Variants in LMO3 observed in about 807,000 individuals in gnomAD.
LMO3 encodes the protein LIM domain only 3.
A neutral mutation model predicts 15.8 loss-of-function variants in LMO3; 2 were observed. The observed-to-expected ratio is 0.13, with a 90% CI of 0.05 to 0.40. The LOEUF is 0.40. Among genes scored for constraint, LMO3 ranks in the 10% least tolerant of loss-of-function variants. The pLI is 0.99. For missense variants in LMO3, 86 were observed against 182.2 expected, an observed-to-expected ratio of 0.47 and a Z score of 3.04; for synonymous variants, 62 against 63.8, an observed-to-expected ratio of 0.97 and a Z score of 0.13.
chr12:16,607,753 T>C (rs1486311941), upstream of LMO3: 1 of 146,412 alleles, frequency 6.8e-6, no homozygotes, highest in Admixed American at 7.2e-5. Context: ...AGCTCTAGTT[T>C]TAAAAAAAAA....
rs1392149572 is a variant in LMO3, at chr12:16,597,232, A to AT, written c.206+3422dup. Among the ~76,000 whole-genome samples the AT allele has an allele frequency of 6.6e-6, 1 of 151,722 alleles. No homozygotes were observed. The highest frequency in any genetic ancestry group is 1.5e-5 in the Non-Finnish European group (1 of 67,720). On this transcript the variant is annotated intron_variant, in intron 2 of 3. Coordinates refer to ENST00000537304, the MANE Select transcript of LMO3 (RefSeq NM_018640.5). This position sits in a 1 kb window ranked among gnomAD's most constrained non-coding sequence, Gnocchi z 5.0. ...ATACTTAGTGTACAAACTATGGAAG[A>AT]TTTTTCTTTCTTTTTCTCTTAAATA...
intron 2 of LMO3, among the ~76,000 whole-genome samples, chr12:16,581,290 T>G (rs1943150187): frequency 6.6e-6 from 1 of 152,136 alleles, no homozygotes; most frequent in African/African-American, 2.4e-5. Context: ...GAATCCTAGC[T>G]CCATCACTTG....
intron 2 of LMO3, among the ~76,000 whole-genome samples, chr12:16,569,900 A>G (rs892143574): frequency 6.6e-6 from 1 of 152,186 alleles, no homozygotes; most frequent in Non-Finnish European, 1.5e-5. Flanking sequence ...ATAGAAACAA[A>G]TATTTTATCT....
rs1169158461 is a variant in LMO3 at position 16,597,630 on chromosome 12, C to A, written c.206+3025G>T. On this transcript the variant is annotated intron_variant, in intron 2 of 3. Transcript: ENST00000537304. The surrounding 1 kb of genome is among the most constrained non-coding windows in gnomAD (Gnocchi z 5.0). ...GTAACCAACAATATATGTGGACAGG[C>A]AAATTACTATTTTATTACTTTCCTT... 1 of 151,810 alleles carries A rather than the reference C, an allele frequency of 6.6e-6. No individual in the cohort carries two copies. Among genetic ancestry groups the A allele is most frequent in the Non-Finnish European group, 1.5e-5 (1 of 67,822 alleles). The allele number at this position is 151,810 out of a possible 1,614,324, so 9.4% of individuals were successfully genotyped here.
intron 2 of LMO3, among the ~76,000 whole-genome samples, chr12:16,595,503 C>CA (rs1165613573): frequency 6.6e-6 from 1 of 150,878 alleles, no homozygotes; most frequent in East Asian, 1.9e-4. Flanking sequence ...AAGAATTATC[C>CA]AAAAAAATTA....
chr12:16,608,733 GAGAGAGAGAGAC>G (rs1944075903), upstream of LMO3: 1 of 151,858 alleles, frequency 6.6e-6, no homozygotes. The surrounding 1 kb of genome is among the most constrained non-coding windows in gnomAD (Gnocchi z 4.1). Context: ...AGAGACAGAG[GAGAGAGAGAGAC>G]AGAGAGAGAG....
chr12:16,566,243 A>C (rs1348730146), intron 2 of LMO3, among the ~76,000 whole-genome samples: 1 of 151,428 alleles, frequency 6.6e-6, no homozygotes, highest in African/African-American at 2.4e-5. Flanking sequence ...GAGACTGGGA[A>C]AGGGAGCAGA....
chr12:16,594,308 C>A, intron 2 of LMO3: 2 of 1,438,396 alleles, frequency 1.4e-6, no homozygotes, highest in South Asian at 1.5e-5. Context: ...ATCATATACA[C>A]AAACCAATTT....
At chr12:16,581,610 A>G (rs1180098040) in intron 2 of LMO3, among the ~76,000 whole-genome samples, 1 of 152,202 alleles carries the variant, frequency 6.6e-6, no homozygotes, top group African/African-American at 2.4e-5. Context: ...TTTCTTTCAC[A>G]ATGTTAAAAC....
In LMO3 at chr12:16,582,734, G is replaced by T. The variant is rs1471271663; in HGVS notation, c.206+17921C>A. On this transcript the variant is annotated intron_variant, in intron 2 of 3. Transcript: ENST00000537304. The surrounding 1 kb of genome is among the most constrained non-coding windows in gnomAD (Gnocchi z 4.1). ...CCCTCACTCTTTTAAGTATCTGATT[G>T]GGATGAGACGCCCAGAAAAGAATCA... 6.6e-6 allele frequency among the ~76,000 whole-genome samples: 1 copy of T among 152,116 alleles called. No homozygotes were observed. The highest frequency in any genetic ancestry group is 1.5e-5 in the Non-Finnish European group (1 of 68,034).
intron 2 of LMO3, among the ~76,000 whole-genome samples, chr12:16,570,421 G>C (rs188195952): frequency 4.0e-5 from 6 of 151,508 alleles, no homozygotes; most frequent in African/African-American, 1.5e-4. Flanking sequence ...TACTCATCTC[G>C]TAATTAAGGC....
At chr12:16,566,437 T>C (rs925501618) in intron 2 of LMO3, among the ~76,000 whole-genome samples, 2 of 152,146 alleles carry the variant, frequency 1.3e-5, no homozygotes, top group East Asian at 3.9e-4. Context: ...TGATAAATAA[T>C]GTATGAGGCG....
At position 16,576,432 on chromosome 12, in the gene LMO3, T is replaced by C. The variant is rs1942997775; in HGVS notation, c.207-15894A>G. On this transcript the variant is annotated intron_variant, in intron 2 of 3. Transcript: ENST00000537304. This position sits in a 1 kb window ranked among gnomAD's most constrained non-coding sequence, Gnocchi z 4.1. ...ACTAAATCTATTCTTCCTGGAAGAC[T>C]ACTGCTGCTTTTTTTTCATATTCAG... Among the ~76,000 whole-genome samples the C allele has an allele frequency of 6.6e-6, 1 of 152,214 alleles. No individual in the cohort carries two copies. The highest frequency in any genetic ancestry group is 2.4e-5 in the African/African-American group (1 of 41,462).
At chr12:16,594,772 C>G (rs961024223) in intron 2 of LMO3, among the ~76,000 whole-genome samples, 15 of 151,626 alleles carry the variant, frequency 9.9e-5, no homozygotes, top group African/African-American at 3.6e-4. Flanking sequence ...ATATATTCAT[C>G]AAAACCATTT....
chr12:16,574,140 C>G (rs1942918237), intron 2 of LMO3, among the ~76,000 whole-genome samples: 1 of 152,062 alleles, frequency 6.6e-6, no homozygotes, highest in Admixed American at 6.6e-5. Context: ...TATAAAAATG[C>G]AACACCACCA....
At chr12:16,551,602 T>C (rs1476464128) in intron 3 of LMO3, among the ~76,000 whole-genome samples, 1 of 151,808 alleles carries the variant, frequency 6.6e-6, no homozygotes, top group African/African-American at 2.4e-5. Context: ...GCTTTTTTTT[T>C]TTTTAAACCA....
Position 16,586,143 on chromosome 12 carries a change from T to C in LMO3, c.206+14512A>G, listed in dbSNP as rs1481665118. On this transcript the variant is annotated intron_variant, in intron 2 of 3. Coordinates refer to ENST00000537304, the MANE Select transcript of LMO3 (RefSeq NM_018640.5). The surrounding 1 kb of genome is among the most constrained non-coding windows in gnomAD (Gnocchi z 4.3). ...ATCAAAGACACAGGGAAGGATAAAT[T>C]AAAAACCATCACAAGGAATAATTCA... is the stretch of plus-strand genomic sequence containing the variant. Among the ~76,000 whole-genome samples the C allele has an allele frequency of 3.3e-5, 5 of 152,174 alleles. No individual in the cohort carries two copies. The highest frequency in any genetic ancestry group is 1.3e-4 in the Admixed American group (2 of 15,270).
chr12:16,605,543 C>T, intron 1 of LMO3: 2 of 548,578 alleles, frequency 3.6e-6, no homozygotes, highest in Admixed American at 7.6e-5. Flanking sequence ...TCAACAAGGA[C>T]CAAAAGATTG....
intron 2 of LMO3, among the ~76,000 whole-genome samples, chr12:16,567,159 G>A (rs1371958501): frequency 6.6e-6 from 1 of 152,090 alleles, no homozygotes; most frequent in Non-Finnish European, 1.5e-5. Context: ...TCGTGCCATT[G>A]CACTCCAGCC....
Sources: allele counts gnomAD v4.1 joint callset (sites outside exome capture counted in the v4.1 genomes callset), GRCh38; gene constraint gnomAD v4.1.1; non-coding constraint Gnocchi (gnomAD v3.1); transcripts MANE v1.5; gene names NCBI Gene and HGNC (gene_info 2026-07-23, HGNC 2026-07-21).